Variants in MYO1E observed in about 807,000 individuals in gnomAD.
MYO1E encodes the protein unconventional myosin-Ie.
A neutral mutation model predicts 151.1 loss-of-function variants in MYO1E; 68 were observed. That is an observed-to-expected ratio of 0.45 (90% confidence interval 0.37 to 0.55). The LOEUF (loss-of-function observed/expected upper bound fraction) is 0.55. Ranked by LOEUF, MYO1E falls within the 20% of genes least tolerant of loss-of-function variation. MYO1E has a pLI of 0.00. For missense variants in MYO1E, 1,363 were observed against 1,389.3 expected, an observed-to-expected ratio of 0.98 and a Z score of 0.30; for synonymous variants, 601 against 501.7, an observed-to-expected ratio of 1.20 and a Z score of -2.64.
chr15:59,319,362 T>C (rs1307121598), intron 1 of MYO1E, among the ~76,000 whole-genome samples: 4 of 151,976 alleles, frequency 2.6e-5, no homozygotes, highest in Admixed American at 6.6e-5. Flanking sequence ...CTGTAATAAC[T>C]TTTCTGTATT....
At chr15:59,372,459 C>A in intron 1 of MYO1E, 39 bp downstream of exon 1, 1 of 1,537,222 alleles carries the variant, frequency 6.5e-7, no homozygotes, top group South Asian at 1.2e-5. Flanking sequence ...TGCCCCGTCC[C>A]CGGGTCCGGC....
intron 26 of MYO1E, among the ~76,000 whole-genome samples, chr15:59,138,777 C>T (rs756829700): frequency 2.8e-4 from 43 of 152,126 alleles, no homozygotes; most frequent in Non-Finnish European, 5.3e-4. Context: ...CACTGCATTC[C>T]CCCCAGATTA....
chr15:59,237,510 G>C (rs1238135327), intron 4 of MYO1E, among the ~76,000 whole-genome samples: 1 of 152,166 alleles, frequency 6.6e-6, no homozygotes, highest in Non-Finnish European at 1.5e-5. Flanking sequence ...AAGTCAGTCA[G>C]ATTTTTCATC....
intron 1 of MYO1E, among the ~76,000 whole-genome samples, chr15:59,279,038 T>C (rs549576556): frequency 6.6e-6 from 1 of 152,282 alleles, no homozygotes; most frequent in East Asian, 1.9e-4. Context: ...TGCTTATTCA[T>C]AAAGTTTCAT....
At position 59,153,795 on chromosome 15, in the gene MYO1E, G is replaced by C; in HGVS notation, c.2879-4C>G. The C allele has an allele frequency of 6.2e-7, 1 of 1,611,540 alleles. No individual in the cohort carries two copies. The highest frequency in any genetic ancestry group is 8.5e-7 in the Non-Finnish European group (1 of 1,177,676). On this transcript the variant is annotated splice_polypyrimidine_tract_variant and splice_region_variant and intron_variant, in intron 25 of 27. Coordinates refer to ENST00000288235, the MANE Select transcript of MYO1E (RefSeq NM_004998.4). ...ATGACTCCGTTCTGATGGTATCCTA[G>C]AGAGAGGAACAGAGAAGGAAATAAG...
intron 25 of MYO1E, among the ~76,000 whole-genome samples, chr15:59,155,656 G>A (rs1487761708): frequency 1.3e-5 from 2 of 152,300 alleles, no homozygotes; most frequent in Non-Finnish European, 2.9e-5. Context: ...CAGCGCACAC[G>A]CAGTAATATG....
intron 6 of MYO1E, 47 bp from the exon 7 acceptor site, chr15:59,227,637 T>A: frequency 6.2e-7 from 1 of 1,609,052 alleles, no homozygotes; most frequent in Non-Finnish European, 8.5e-7. Flanking sequence ...GAACAAAACA[T>A]GATGTCCCAA....
At chr15:59,183,213 C>T (rs1216773458) in intron 18 of MYO1E, among the ~76,000 whole-genome samples, 1 of 152,086 alleles carries the variant, frequency 6.6e-6, no homozygotes, top group Non-Finnish European at 1.5e-5. Context: ...GCAGCACTCT[C>T]AGCATTGTTT....
At chr15:59,150,955 G>A (rs1172215628) in intron 26 of MYO1E, among the ~76,000 whole-genome samples, 2 of 149,792 alleles carry the variant, frequency 1.3e-5, no homozygotes, top group Non-Finnish European at 3.0e-5. Flanking sequence ...ATGAGAGCTG[G>A]TGGGATATAG....
intron 26 of MYO1E, among the ~76,000 whole-genome samples, chr15:59,145,819 T>C (rs2079437953): frequency 1.3e-5 from 2 of 152,222 alleles, no homozygotes; most frequent in Non-Finnish European, 1.5e-5. Flanking sequence ...GTCACACTGG[T>C]AGCTTGAAAT....
chr15:59,299,407 C>G (rs2080469455), intron 1 of MYO1E, among the ~76,000 whole-genome samples: 1 of 152,212 alleles, frequency 6.6e-6, no homozygotes, highest in Admixed American at 6.5e-5. Context: ...CTTTCCTGAA[C>G]TGCATCCTAT....
intron 5 of MYO1E, among the ~76,000 whole-genome samples, chr15:59,234,646 C>T (rs1412182265): frequency 1.3e-5 from 2 of 151,902 alleles, no homozygotes; most frequent in Non-Finnish European, 2.9e-5. Context: ...GTGGTGAAAC[C>T]CTGTCCCTAC....
At position 59,223,067 on chromosome 15, in the gene MYO1E, C is replaced by T; in HGVS notation, c.902G>A (p.Ser301Asn). The T allele has an allele frequency of 6.2e-7, 1 of 1,614,102 alleles. No individual in the cohort carries two copies. The change falls in exon 9 of 28, where the codon AGT (serine) becomes AAT (asparagine). Residue 301 changes from serine (S) to asparagine (N), a missense_variant. Coordinates refer to ENST00000288235, the MANE Select transcript of MYO1E (RefSeq NM_004998.4). Reference protein sequence around the residue: ...KEVGNYAAVESEEFLAFPAYL... With the variant: ...KEVGNYAAVENEEFLAFPAYL... ...ATGCCAGGGCTACGCACACTCTTCACTCTCCACAGCCGCGTAGTTGCCAAC... is the reference window on the plus strand; with the variant it reads ...ATGCCAGGGCTACGCACACTCTTCATTCTCCACAGCCGCGTAGTTGCCAAC...
rs369995921 is a variant in MYO1E at position 59,288,940 on chromosome 15, G to T, written c.4-16491C>A. Among the ~76,000 whole-genome samples the T allele has an allele frequency of 3.2e-4, 48 of 152,320 alleles. No individual in the cohort carries two copies. In the East Asian group the frequency reaches 5.2e-3, roughly 17 times the overall value. ...GATGCCTTGTAGGCAAAAAATTAAG[G>T]TGTTTAAACAAACAACAAAGTGGCA... On this transcript the variant is annotated intron_variant, in intron 1 of 27. Coordinates refer to ENST00000288235, the MANE Select transcript of MYO1E (RefSeq NM_004998.4).
intron 2 of MYO1E, among the ~76,000 whole-genome samples, chr15:59,270,011 T>C (rs1257781601): frequency 6.6e-6 from 1 of 152,084 alleles, no homozygotes; most frequent in Non-Finnish European, 1.5e-5. Flanking sequence ...AAACAATAAC[T>C]AAACAAATGA....
chr15:59,171,093 C>T (rs1271263376), intron 22 of MYO1E: 1 of 155,890 alleles, frequency 6.4e-6, no homozygotes, highest in Non-Finnish European at 1.5e-5. Context: ...TCTTAGTCTT[C>T]ATGGATTGCG....
intron 4 of MYO1E, among the ~76,000 whole-genome samples, chr15:59,237,111 A>T (rs1384132910): frequency 1.3e-5 from 2 of 152,038 alleles, no homozygotes; most frequent in Non-Finnish European, 2.9e-5. Context: ...TTTTTTTCTT[A>T]AAAAAAAGAC....
In MYO1E at chr15:59,280,449, AC is replaced by A. The variant is rs369098294; in HGVS notation, c.4-8001del. On this transcript the variant is annotated intron_variant, in intron 1 of 27. Transcript: ENST00000288235. ...AGACCAGCCTGGTCAACATTGTGAA[AC>A]CCCGTCCCTGCTAAAAATACAAAAT... 4.2e-4 allele frequency among the ~76,000 whole-genome samples: 64 copies of A among 151,670 alleles called. 1 individual carries two copies. Among genetic ancestry groups the A allele is most frequent in the African/African-American group, 1.0e-3 (43 of 41,342 alleles).
intron 1 of MYO1E, among the ~76,000 whole-genome samples, chr15:59,320,437 A>C (rs116807643): frequency 7.9e-4 from 120 of 152,334 alleles, no homozygotes; most frequent in African/African-American, 2.8e-3. Context: ...TAAGGGTACA[A>C]TAACCAAAAC....
Sources: allele counts gnomAD v4.1 joint callset (sites outside exome capture counted in the v4.1 genomes callset), GRCh38; gene constraint gnomAD v4.1.1; transcripts MANE v1.5; gene names NCBI Gene and HGNC (gene_info 2026-07-23, HGNC 2026-07-21).